The following ASB3 variants were observed in gnomAD, a reference collection of about 807,000 sequenced individuals.
ASB3 encodes the protein ankyrin repeat and SOCS box containing 3.
A neutral mutation model predicts 54.5 loss-of-function variants in ASB3; 41 were observed. That is an observed-to-expected ratio of 0.75 (90% confidence interval 0.59 to 0.98). The LOEUF (loss-of-function observed/expected upper bound fraction) is 0.98, where lower values mean the gene tolerates loss of function less well. Among genes scored for constraint, ASB3 ranks in the 50% least tolerant of loss-of-function variants. The probability of loss-of-function intolerance (pLI) is 0.00; values close to 1 mark genes in which losing one functional copy is unlikely to be tolerated. For missense variants in ASB3, 733 were observed against 620.0 expected (o/e 1.18, Z -1.94); for synonymous variants, 266 against 221.2 (o/e 1.20, Z -1.80).
At chr2:53,760,893 A>G (rs1673105193) in intron 2 of ASB3, among the ~76,000 whole-genome samples, 1 of 152,190 alleles carries the variant, frequency 6.6e-6, no homozygotes, top group Non-Finnish European at 1.5e-5. Context: ...ATAGAACCCC[A>G]GATGCAGTCC....
At chr2:53,744,979 CA>C (rs1672146374) in intron 3 of ASB3, among the ~76,000 whole-genome samples, 1 of 152,150 alleles carries the variant, frequency 6.6e-6, no homozygotes, top group African/African-American at 2.4e-5. Context: ...AACCATCCAT[CA>C]AAAGCCAAAA....
chr2:53,732,021 A>C (rs1671346818), intron 3 of ASB3, among the ~76,000 whole-genome samples: 1 of 152,024 alleles, frequency 6.6e-6, no homozygotes, highest in South Asian at 2.1e-4. Flanking sequence ...GCAGTGGCGC[A>C]AACTCGGCTT....
chr2:53,725,182 T>C (rs1224152587), intron 5 of ASB3, among the ~76,000 whole-genome samples: 1 of 152,104 alleles, frequency 6.6e-6, no homozygotes, highest in African/African-American at 2.4e-5. Context: ...AATTAACAAA[T>C]TAACAAAAAC....
In ASB3 at chr2:53,700,256, G is replaced by T; in HGVS notation, c.1238+15C>A. ...ACTCAAAAAGGGTAAGCCCGACTAT[G>T]GTAGAATTTCTTACCAAGAATTGCA... On this transcript the variant is annotated intron_variant, in intron 8 of 9. Coordinates refer to ENST00000263634, the MANE Select transcript of ASB3 (RefSeq NM_016115.5). 1.2e-6 allele frequency: 2 copies of T among 1,608,124 alleles called. No individual in the cohort carries two copies. The highest frequency in any genetic ancestry group is 4.5e-5 in the East Asian group (2 of 44,796).
chr2:53,728,161 C>G (rs1671112958), intron 5 of ASB3, among the ~76,000 whole-genome samples: 1 of 152,212 alleles, frequency 6.6e-6, no homozygotes, highest in Non-Finnish European at 1.5e-5. Context: ...TTTCTGGTCA[C>G]AAAATTGTCA....
At chr2:53,766,540 A>C (rs770018496) in intron 1 of ASB3, among the ~76,000 whole-genome samples, 1 of 152,144 alleles carries the variant, frequency 6.6e-6, no homozygotes, top group Non-Finnish European at 1.5e-5. Flanking sequence ...ACACATGTAG[A>C]GTATGTGGCA....
intron 7 of ASB3, among the ~76,000 whole-genome samples, chr2:53,702,652 G>C (rs192449491): frequency 9.2e-5 from 14 of 152,264 alleles, no homozygotes; most frequent in Non-Finnish European, 1.9e-4. Context: ...ACTGAGAGGA[G>C]AGATTTAAAA....
rs1674368218 is a variant in ASB3, at chr2:53,776,858, T to C, written c.-14+9963A>G. Among the ~76,000 whole-genome samples, 4 of 152,258 alleles carry C rather than the reference T, an allele frequency of 2.6e-5. No individual in the cohort carries two copies. In the South Asian group the frequency reaches 8.3e-4, roughly 32 times the overall value. ...AAACCTTGAATTCACTCTAAGCATA[T>C]ATTACAGACTCAAAGATTTTGTAAT... On this transcript the variant is annotated intron_variant, in intron 1 of 9. Coordinates refer to ENST00000263634, the MANE Select transcript of ASB3 (RefSeq NM_016115.5).
intron 6 of ASB3, 71 bp from the exon 7 acceptor site, chr2:53,714,652 C>A: frequency 6.6e-7 from 1 of 1,513,028 alleles, no homozygotes; most frequent in Non-Finnish European, 9.0e-7. Flanking sequence ...ATTTCTATAG[C>A]ACAATTTTTT....
intron 2 of ASB3, among the ~76,000 whole-genome samples, chr2:53,758,505 G>C (rs1292630720): frequency 2.6e-5 from 4 of 152,214 alleles, no homozygotes; most frequent in African/African-American, 9.7e-5. Context: ...TGATGGGGCA[G>C]CTGGGTTGTT....
intron 8 of ASB3, among the ~76,000 whole-genome samples, chr2:53,699,176 T>G (rs1272735188): frequency 6.6e-6 from 1 of 152,124 alleles, no homozygotes; most frequent in South Asian, 2.1e-4. Flanking sequence ...TCAGCTCCAG[T>G]CTCTCTTCTT....
chr2:53,693,272 C>T (rs1669011142), intron 9 of ASB3, among the ~76,000 whole-genome samples: 1 of 152,108 alleles, frequency 6.6e-6, no homozygotes, highest in South Asian at 2.1e-4. Context: ...AATCTTCCCC[C>T]ACTGTGTTTT....
chr2:53,727,965 A>C (rs1282671158), intron 5 of ASB3, among the ~76,000 whole-genome samples: 1 of 152,076 alleles, frequency 6.6e-6, no homozygotes, highest in African/African-American at 2.4e-5. Flanking sequence ...ATCTCAAGTG[A>C]TCTGCCCACC....
intron 3 of ASB3, among the ~76,000 whole-genome samples, chr2:53,739,856 T>C (rs1450593415): frequency 1.3e-5 from 2 of 152,158 alleles, no homozygotes; most frequent in East Asian, 3.9e-4. Context: ...CCATTTTTTG[T>C]AGAGACAAGG....
At chr2:53,785,323 T>C (rs572500443) in intron 1 of ASB3, among the ~76,000 whole-genome samples, 1 of 152,328 alleles carries the variant, frequency 6.6e-6, no homozygotes, top group South Asian at 2.1e-4. Flanking sequence ...TCAATCACTA[T>C]AGCCCTAAAT....
chr2:53,771,960 T>C, intron 1 of ASB3: 3 of 1,359,426 alleles, frequency 2.2e-6, no homozygotes, highest in South Asian at 1.4e-5. Context: ...ATAAATATTC[T>C]TTTTTGTATA....
At chr2:53,679,354 C>T (rs980885387) in intron 9 of ASB3, among the ~76,000 whole-genome samples, 1 of 152,134 alleles carries the variant, frequency 6.6e-6, no homozygotes, top group Admixed American at 6.5e-5. Flanking sequence ...CCAATTCTCA[C>T]TTCAATCTCC....
chr2:53,749,959 C>T (rs1672428458), intron 3 of ASB3, among the ~76,000 whole-genome samples: 1 of 151,834 alleles, frequency 6.6e-6, no homozygotes, highest in Non-Finnish European at 1.5e-5. Context: ...ATTTTTAAGT[C>T]CACAAGGAAA....
At position 53,728,700 on chromosome 2, in the gene ASB3, G is replaced by A. The variant is rs773285313; in HGVS notation, c.604+12C>T. ...TGATCTTAACAGTACAAAGGCTAAT[G>A]GATAATCTTACCCGATGAAATAAGT... On this transcript the variant is annotated intron_variant, in intron 5 of 9. Coordinates refer to ENST00000263634, the MANE Select transcript of ASB3 (RefSeq NM_016115.5). 6.3e-7 allele frequency: 1 copy of A among 1,586,696 alleles called. No homozygotes were observed. Among genetic ancestry groups the A allele is most frequent in the East Asian group, 2.2e-5 (1 of 44,556 alleles).
Sources: gnomAD v4.1 joint callset for allele counts (sites outside exome capture counted in the v4.1 genomes callset) on GRCh38, gnomAD v4.1.1 for gene constraint, MANE v1.5 for transcripts, NCBI Gene and HGNC (gene_info 2026-07-23, HGNC 2026-07-21) for gene names.